The following DAAM1 variants were observed in gnomAD, a reference collection of about 807,000 sequenced individuals.
The protein encoded by DAAM1 is dishevelled associated activator of morphogenesis 1, also known as disheveled-associated activator of morphogenesis 1.
Under a neutral mutation model 130.0 loss-of-function variants are expected in DAAM1, and 52 were observed. The ratio of observed to expected loss-of-function variants is 0.40; its 90% CI spans 0.32 to 0.50. The LOEUF is 0.50. Ranked by LOEUF, DAAM1 falls within the 20% of genes least tolerant of loss-of-function variation. The pLI, the probability that DAAM1 is intolerant of heterozygous loss-of-function variation, is 0.61. For missense variants in DAAM1, 1,134 were observed against 1,303.8 expected, an observed-to-expected ratio of 0.87 and a Z score of 2.01; for synonymous variants, 452 against 444.5, an observed-to-expected ratio of 1.02 and a Z score of -0.21.
chr14:59,355,475 T>A (rs1886441232), intron 20 of DAAM1, 142 bp downstream of exon 20: 8 of 1,044,356 alleles, frequency 7.7e-6, no homozygotes, highest in Non-Finnish European at 1.1e-5. Context: ...TCTTCCCTTC[T>A]CTGACATTGA....
At chr14:59,195,939 A>G (rs1265034588) in intron 1 of DAAM1, among the ~76,000 whole-genome samples, 1 of 151,728 alleles carries the variant, frequency 6.6e-6, no homozygotes, top group East Asian at 1.9e-4. Context: ...CATTGTGGAC[A>G]TATCAGTGCA....
chr14:59,307,021 C>G (rs1884404784), intron 3 of DAAM1, among the ~76,000 whole-genome samples: 1 of 152,152 alleles, frequency 6.6e-6, no homozygotes, highest in African/African-American at 2.4e-5. Flanking sequence ...GCAGTGTGGC[C>G]TCTGCATTAT....
intron 2 of DAAM1, among the ~76,000 whole-genome samples, chr14:59,271,517 G>C (rs967184307): frequency 6.6e-6 from 1 of 152,148 alleles, no homozygotes; most frequent in Non-Finnish European, 1.5e-5. Context: ...TGATATATCA[G>C]ATTTAGATAA....
At chr14:59,282,480 G>A (rs1213284640) in intron 2 of DAAM1, among the ~76,000 whole-genome samples, 1 of 151,976 alleles carries the variant, frequency 6.6e-6, no homozygotes, top group African/African-American at 2.4e-5. Flanking sequence ...AAAGCCAGAT[G>A]TGGAACTCAG....
chr14:59,300,684 T>G (rs1884135806), intron 3 of DAAM1, among the ~76,000 whole-genome samples: 1 of 152,200 alleles, frequency 6.6e-6, no homozygotes, highest in Non-Finnish European at 1.5e-5. Context: ...AACATAAATA[T>G]AGTTGAAGCC....
At chr14:59,337,466 G>A (rs755646287) in intron 15 of DAAM1, among the ~76,000 whole-genome samples, 4 of 152,206 alleles carry the variant, frequency 2.6e-5, no homozygotes, top group Non-Finnish European at 5.9e-5. Flanking sequence ...AGACCAGTGA[G>A]ACCTTAAGGA....
chr14:59,197,220 T>C lies in DAAM1; in HGVS notation c.-38+8452T>C, dbSNP rs76715220. 3.6e-3 allele frequency among the ~76,000 whole-genome samples: 544 copies of C among 152,318 alleles called. 2 individuals carry two copies. The highest frequency in any genetic ancestry group is 0.013 in the African/African-American group (522 of 41,566). On this transcript the variant is annotated intron_variant, in intron 1 of 24. Coordinates refer to ENST00000360909, the MANE Select transcript of DAAM1 (RefSeq NM_001270520.2). The stretch of plus-strand genomic sequence containing the variant: ...CAGGCGTGAGCCACCGCGGGAATTA[T>C]TTTTTCAAATGCAACTACAGTTAAC...
intron 1 of DAAM1, among the ~76,000 whole-genome samples, chr14:59,207,094 C>T (rs959851409): frequency 6.6e-6 from 1 of 152,124 alleles, no homozygotes; most frequent in Non-Finnish European, 1.5e-5. Flanking sequence ...TGTTAAGGGT[C>T]GTTCACAGGA....
intron 1 of DAAM1, among the ~76,000 whole-genome samples, chr14:59,220,567 G>A (rs1279702342): frequency 6.6e-6 from 1 of 152,102 alleles, no homozygotes; most frequent in Non-Finnish European, 1.5e-5. Flanking sequence ...TCTGTCAAGG[G>A]GATTTATTGT....
intron 1 of DAAM1, among the ~76,000 whole-genome samples, chr14:59,201,983 C>T (rs551374405): frequency 6.6e-6 from 1 of 152,172 alleles, no homozygotes; most frequent in East Asian, 1.9e-4. Flanking sequence ...ACTGAAAAAC[C>T]TCTAAATCTG....
In DAAM1 at chr14:59,359,404, A is replaced by T. The variant is rs1420773133; in HGVS notation, c.2533A>T (p.Thr845Ser). The change falls in exon 21 of 25, where the codon ACC becomes TCC. Residue 845 changes from threonine (T) to serine (S), a missense_variant. Transcript: ENST00000360909. ...TCCCTTCTTCAATTGTAGAAACATT[A>T]CCCTTTTGCACTATCTCATCACTAT... Reference protein sequence around the residue: ...DTKSSIDKNITLLHYLITIVE... With the variant: ...DTKSSIDKNISLLHYLITIVE... 2 of 1,609,682 alleles carry T rather than the reference A, an allele frequency of 1.2e-6. No homozygotes were observed. Among genetic ancestry groups the T allele is most frequent in the Non-Finnish European group, 8.5e-7 (1 of 1,176,538 alleles).
Position 59,325,600 on chromosome 14 carries a change from C to T in DAAM1, c.990-64C>T, listed in dbSNP as rs1258025548. 12 of 1,374,528 alleles carry T rather than the reference C, an allele frequency of 8.7e-6. No homozygotes were observed. In the East Asian group the frequency reaches 1.6e-4, roughly 18 times the overall value. 85.1% of individuals were successfully genotyped at this position (1,374,528 alleles called of 1,614,324 possible). A position where few individuals can be genotyped will look rare whatever the true frequency, so the allele number is the denominator to read the frequency against. On this transcript the variant is annotated intron_variant, in intron 8 of 24. Transcript: ENST00000360909. ...GGAAAAACCATGATATTAATGTCCT[C>T]AGTCTTATGCACCTGTGTTTATAGG...
At chr14:59,324,527 C>A in intron 8 of DAAM1, 73 bp downstream of exon 8, 1 of 957,414 alleles carries the variant, frequency 1.0e-6, no homozygotes, top group Non-Finnish European at 1.5e-6. Flanking sequence ...TCATCAAGTG[C>A]TGGCCTGTGG....
intron 1 of DAAM1, among the ~76,000 whole-genome samples, chr14:59,242,544 G>A (rs909501428): frequency 3.9e-5 from 6 of 152,092 alleles, no homozygotes; most frequent in African/African-American, 1.4e-4. Flanking sequence ...GAACAAAAAC[G>A]CTGTGTGCTG....
At chr14:59,291,946 G>A (rs908187751) in intron 3 of DAAM1, among the ~76,000 whole-genome samples, 1 of 152,138 alleles carries the variant, frequency 6.6e-6, no homozygotes, top group Non-Finnish European at 1.5e-5. Context: ...CAAGAGATGG[G>A]GAGAATGGAT....
chr14:59,352,170 G>A (rs1276182756), intron 17 of DAAM1, among the ~76,000 whole-genome samples: 1 of 152,156 alleles, frequency 6.6e-6, no homozygotes, highest in Admixed American at 6.5e-5. Flanking sequence ...TCCTGGGTGA[G>A]TGGCTTACTC....
intron 4 of DAAM1, 72 bp downstream of exon 4, chr14:59,315,423 A>G (rs1312483137): frequency 2.8e-6 from 4 of 1,412,110 alleles, no homozygotes; most frequent in South Asian, 1.2e-5. Context: ...CAGTTGCACA[A>G]TAAATTCGAT....
intron 3 of DAAM1, 27 bp from the exon 4 acceptor site, chr14:59,315,253 A>G (rs1884743450): frequency 6.2e-7 from 1 of 1,607,466 alleles, no homozygotes; most frequent in Non-Finnish European, 8.5e-7. Context: ...GTTGGGTGGT[A>G]TGTCACTTTT....
intron 2 of DAAM1, among the ~76,000 whole-genome samples, chr14:59,277,114 G>A (rs956784081): frequency 6.6e-6 from 1 of 152,144 alleles, no homozygotes; most frequent in East Asian, 1.9e-4. Flanking sequence ...TGCTTTAGAG[G>A]TTTTATAAAT....
Sources: gnomAD v4.1 joint callset for allele counts (sites outside exome capture counted in the v4.1 genomes callset) on GRCh38, gnomAD v4.1.1 for gene constraint, MANE v1.5 for transcripts, NCBI Gene and HGNC (gene_info 2026-07-23, HGNC 2026-07-21) for gene names.